UBR4: variants seen among roughly 807,000 people sequenced by gnomAD.
UBR4 encodes the protein E3 ubiquitin-protein ligase UBR4.
Under a neutral mutation model 575.6 loss-of-function variants are expected in UBR4, and 124 were observed. That is an observed-to-expected ratio of 0.22 (90% CI 0.19 to 0.25). The LOEUF is 0.25. Ranked by LOEUF, UBR4 falls within the 10% of genes least tolerant of loss-of-function variation. The pLI, the probability that UBR4 is intolerant of heterozygous loss-of-function variation, is 1.00. For synonymous variants in UBR4, 2,455 were observed against 2,473.7 expected (o/e 0.99, Z 0.22); for missense variants, 4,818 against 6,478.8 (o/e 0.74, Z 8.80).
Position 19,088,129 on chromosome 1 carries a change from G to A in UBR4, c.14431-200C>T, listed in dbSNP as rs1427250072. Among the ~76,000 whole-genome samples the A allele has an allele frequency of 6.6e-6, 1 of 152,216 alleles. No individual in the cohort carries two copies. The highest frequency in any genetic ancestry group is 1.5e-5 in the Non-Finnish European group (1 of 68,036). On this transcript the variant is annotated intron_variant, in intron 98 of 105. Transcript: ENST00000375254. The surrounding 1 kb of genome is among the most constrained non-coding windows in gnomAD (Gnocchi z 4.0). ...ATTCTCTCTTCCTACAGGAACCACT[G>A]AAGCAAAGGAAGTCATCCAGCTGGA...
rs773169722 is a variant in UBR4, at chr1:19,179,100, T to C, written c.2305A>G (p.Ser769Gly). Residue 769 changes from serine (S) to glycine (G), a missense_variant, in exon 18 of 106, where the codon AGT becomes GGT. By Grantham distance (56) the Ser-to-Gly change is moderately conservative. Around this residue, in one of 29 missense-constraint regions of UBR4, gnomAD observed 1,172 missense variants for 1,259.7 expected, o/e 0.93. Transcript: ENST00000375254. ...GGGACGTCAGGGTCACCTTGAGCAC[T>C]GGCTTTATGTTGCCAGATGAGCAGG... ...RLLLIWQHKA[S>G]AQGDPDVPEC... 4 of 1,613,828 alleles carry C rather than the reference T, an allele frequency of 2.5e-6. No homozygotes were observed. The highest frequency in any genetic ancestry group is 1.7e-5 in the Admixed American group (1 of 59,898).
In UBR4 at chr1:19,074,679, TAA is replaced by T; in HGVS notation, c.*151_*152del. ...CACACACGAGATAAAACAGGAAGCC[TAA>T]AAACCCCAAGCCACACCAAGAAAAA... On this transcript the variant is annotated 3_prime_UTR_variant, in exon 106 of 106. Coordinates refer to ENST00000375254, the MANE Select transcript of UBR4 (RefSeq NM_020765.3). 1 of 882,366 alleles carries T rather than the reference TAA, an allele frequency of 1.1e-6. No individual in the cohort carries two copies. Among genetic ancestry groups the T allele is most frequent in the Non-Finnish European group, 1.8e-6 (1 of 566,964 alleles). 54.7% of individuals were successfully genotyped at this position (882,366 alleles called of 1,614,324 possible).
At chr1:19,155,767 G>A in intron 42 of UBR4, 99 bp from the exon 43 acceptor site, 2 of 981,224 alleles carry the variant, frequency 2.0e-6, no homozygotes, top group Non-Finnish European at 3.1e-6. Flanking sequence ...CCAATAACAG[G>A]CATTCATTCT....
intron 22 of UBR4, among the ~76,000 whole-genome samples, chr1:19,173,955 C>G (rs568765307): frequency 6.6e-6 from 1 of 152,328 alleles, no homozygotes; most frequent in Non-Finnish European, 1.5e-5. Flanking sequence ...ATCAGCTATC[C>G]GTTTTTGTGG....
At chr1:19,077,920 G>A (rs750841800) in intron 104 of UBR4, 56 bp downstream of exon 104, 18 of 1,612,454 alleles carry the variant, frequency 1.1e-5, no homozygotes, top group Non-Finnish European at 1.4e-5. Context: ...AGGGACAGGA[G>A]TGCAGACATT....
intron 71 of UBR4, 91 bp from the exon 72 acceptor site, chr1:19,118,001 T>C (rs965381990): frequency 7.7e-7 from 1 of 1,298,190 alleles, no homozygotes; most frequent in African/African-American, 1.5e-5. Context: ...CATGGCTCAA[T>C]GTGAGCCAAA....
At position 19,173,546 on chromosome 1, in the gene UBR4, T is replaced by C; in HGVS notation, c.3058A>G (p.Ile1020Val). 1 of 1,614,176 alleles carries C rather than the reference T, an allele frequency of 6.2e-7. No individual in the cohort carries two copies. Among genetic ancestry groups the C allele is most frequent in the Non-Finnish European group, 8.5e-7 (1 of 1,180,030 alleles). Reference protein sequence around the residue: ...LGILPPSKTYINQLSMNSPEM... With the variant: ...LGILPPSKTYVNQLSMNSPEM... Reference sequence around the variant, plus strand: ...GGTGAGTTCATGGATAGCTGGTTAATGTAAGTCTTTGATGGTGGTAAAATT... The same window carrying C: ...GGTGAGTTCATGGATAGCTGGTTAACGTAAGTCTTTGATGGTGGTAAAATT... Residue 1020 changes from isoleucine (I) to valine (V), a missense_variant, in exon 23 of 106, where the codon ATT becomes GTT. Physicochemically the swap from Ile to Val is conservative, Grantham distance 29 (BLOSUM62 3). Around this residue, in one of 29 missense-constraint regions of UBR4, gnomAD observed 1,172 missense variants for 1,259.7 expected, o/e 0.93. Transcript: ENST00000375254.
intron 105 of UBR4, among the ~76,000 whole-genome samples, chr1:19,076,121 C>CA (rs1029426079): frequency 3.9e-5 from 6 of 152,188 alleles, no homozygotes; most frequent in Non-Finnish European, 8.8e-5. Flanking sequence ...TTATGAAATA[C>CA]AAACCAATTC....
At chr1:19,192,458 G>A (rs1244986765) in intron 10 of UBR4, 23 bp downstream of exon 10, 2 of 1,614,052 alleles carry the variant, frequency 1.2e-6, no homozygotes, top group African/African-American at 2.7e-5. Context: ...GAAGTATGCA[G>A]CAGAGACAGA....
intron 48 of UBR4, chr1:19,151,321 G>A: frequency 2.3e-6 from 1 of 434,520 alleles, no homozygotes. Flanking sequence ...TGTGCGTTAA[G>A]AAAGCCTTGC....
At chr1:19,148,700 A>C in intron 49 of UBR4, 74 bp from the exon 50 acceptor site, 1 of 1,532,494 alleles carries the variant, frequency 6.5e-7, no homozygotes, top group Non-Finnish European at 9.0e-7. Context: ...AGCAAACTAT[A>C]GTCATGAGGA....
At chr1:19,197,895 G>C (rs1229548175) in intron 6 of UBR4, 52 bp downstream of exon 6, 3 of 1,612,172 alleles carry the variant, frequency 1.9e-6, no homozygotes, top group Non-Finnish European at 2.5e-6. Flanking sequence ...CACACTTAAG[G>C]AATTTTTGAC....
intron 34 of UBR4, 92 bp from the exon 35 acceptor site, chr1:19,162,703 C>G (rs1184762767): frequency 3.5e-6 from 5 of 1,414,070 alleles, no homozygotes; most frequent in African/African-American, 1.4e-5. Flanking sequence ...AGCTCAAGAT[C>G]AGAGAAATGG....
At position 19,155,614 on chromosome 1, in the gene UBR4, T is replaced by A; in HGVS notation, c.6127A>T (p.Ser2043Cys). The change falls in exon 43 of 106, where the codon AGC (serine) becomes TGC (cysteine). Residue 2043 changes from serine to cysteine, a missense_variant. By Grantham distance (112) the Ser-to-Cys change is moderately radical. Coordinates refer to ENST00000375254, the MANE Select transcript of UBR4 (RefSeq NM_020765.3). ...LSPTFYFLLP[S>C]SKIRDVTFLF... ...AAGGTAACATCTCTTATCTTTGAGC[T>A]TGGCAGGAGAAAATAGAAGGTTGGA... The A allele has an allele frequency of 6.2e-7, 1 of 1,614,158 alleles. No individual in the cohort carries two copies. Among genetic ancestry groups the A allele is most frequent in the Non-Finnish European group, 8.5e-7 (1 of 1,180,014 alleles).
At chr1:19,111,623 AT>A (rs11314459) in intron 78 of UBR4, 69,517 of 139,400 alleles carry the variant, frequency 0.5, 16,882 homozygotes, top group East Asian at 0.76. Context: ...CTATTTTTGT[AT>A]TTTTTTTTTT....
At position 19,168,139 on chromosome 1, in the gene UBR4, TAA is replaced by T. The variant is rs1364057982; in HGVS notation, c.3785_3786del (p.Ile1262LysfsTer13). 1 of 1,608,084 alleles carries T rather than the reference TAA, an allele frequency of 6.2e-7. No homozygotes were observed. The highest frequency in any genetic ancestry group is 8.5e-7 in the Non-Finnish European group (1 of 1,175,698). On this transcript the variant is annotated frameshift_variant, in exon 28 of 106. Transcript: ENST00000375254. LOFTEE classifies it high-confidence loss of function. ...ANDTIPSESY[I>X]SAVQAAHLGT... Reference sequence around the variant, plus strand: ...CCCAGGTGTGCAGCCTGCACTGCACTAATATAACTCTCTGAAGGGATGGTGTC... The same window carrying T: ...CCCAGGTGTGCAGCCTGCACTGCACTTATAACTCTCTGAAGGGATGGTGTC...
At chr1:19,200,614 C>A (rs2092702640) in intron 2 of UBR4, among the ~76,000 whole-genome samples, 1 of 151,714 alleles carries the variant, frequency 6.6e-6, no homozygotes, top group Non-Finnish European at 1.5e-5. Flanking sequence ...AGTCTCATAA[C>A]CCGATCTCAA....
rs2077721068 is a variant in UBR4, at chr1:19,093,414, C to T, written c.14010G>A (p.Lys4670=). The T allele has an allele frequency of 6.2e-7, 1 of 1,614,190 alleles. No homozygotes were observed. Among genetic ancestry groups the T allele is most frequent in the African/African-American group, 1.3e-5 (1 of 75,066 alleles). The change falls in exon 96 of 106, where the codon AAG becomes AAA. Residue 4670 remains lysine (K), a synonymous_variant. Coordinates refer to ENST00000375254, the MANE Select transcript of UBR4 (RefSeq NM_020765.3). This position sits in a 1 kb window ranked among gnomAD's most constrained non-coding sequence, Gnocchi z 4.8. ...TCAGCTGGTGCCCATTGCTGTTGTT[C>T]TTGATGCCAGCAGCTATTTTACAGA... The part of the protein sequence containing the change: ...DCFCKIAAGI[K]NNSNGHQLKD...
At chr1:19,170,547 C>T (rs145121118) in intron 26 of UBR4, among the ~76,000 whole-genome samples, 1 of 152,344 alleles carries the variant, frequency 6.6e-6, no homozygotes, top group African/African-American at 2.4e-5. Flanking sequence ...CAAATAACTT[C>T]TCTAGGCCTA....
Sources: gnomAD v4.1 joint callset for allele counts (sites outside exome capture counted in the v4.1 genomes callset) on GRCh38, gnomAD v4.1.1 for gene constraint, gnomAD v4.1.1 regional missense constraint, Gnocchi (gnomAD v3.1) non-coding constraint, MANE v1.5 for transcripts, NCBI Gene and HGNC (gene_info 2026-07-23, HGNC 2026-07-21) for gene names.